The following GPHN variants were observed in gnomAD, a reference collection of about 807,000 sequenced individuals.
GPHN encodes the protein gephyrin.
In GPHN, 17 loss-of-function variants were observed where a neutral mutation model predicts 95.5. The ratio of observed to expected loss-of-function variants is 0.18; its 90% CI spans 0.12 to 0.27. The LOEUF is 0.27. Among genes scored for constraint, GPHN ranks in the 10% least tolerant of loss-of-function variants. The pLI, the probability that GPHN is intolerant of heterozygous loss-of-function variation, is 1.00. For synonymous variants in GPHN, 320 were observed against 322.5 expected (o/e 0.99, Z 0.08); for missense variants, 660 against 978.1 (o/e 0.67, Z 4.34).
the GPHN span, among the ~76,000 whole-genome samples, chr14:67,595,134 CTAAAAAAAATAAAAA>C: frequency 1.5e-5 from 1 of 66,512 alleles, no homozygotes; most frequent in African/African-American, 3.7e-5. Context: ...GAGACTCCGT[CTAAAAAAAATAAAAA>C]TAAAAAAAAT....
chr14:67,387,730 C>T, the GPHN span, among the ~76,000 whole-genome samples: 12 of 152,286 alleles, frequency 7.9e-5, no homozygotes, highest in East Asian at 2.1e-3. Context: ...GGTAGCATGC[C>T]ATAGATCTAC....
chr14:67,435,350 C>T, the GPHN span, among the ~76,000 whole-genome samples: 1 of 152,108 alleles, frequency 6.6e-6, no homozygotes, highest in Non-Finnish European at 1.5e-5. Flanking sequence ...AATGGATTAA[C>T]CCATTCATGA....
chr14:66,702,657 C>T (rs1347613442), intron 2 of GPHN, among the ~76,000 whole-genome samples: 2 of 152,170 alleles, frequency 1.3e-5, no homozygotes, highest in African/African-American at 4.8e-5. Context: ...CAAGGGTCAG[C>T]ATCCTCAAAG....
chr14:66,878,808 C>A (rs150728948), intron 4 of GPHN, among the ~76,000 whole-genome samples: 4 of 152,034 alleles, frequency 2.6e-5, no homozygotes, highest in Non-Finnish European at 5.9e-5. Flanking sequence ...GACAGTGTGG[C>A]GATTCCTCAA....
At chr14:67,636,852 G>T in the GPHN span, among the ~76,000 whole-genome samples, 1 of 152,128 alleles carries the variant, frequency 6.6e-6, no homozygotes, top group Non-Finnish European at 1.5e-5. Flanking sequence ...GAAATTTCAG[G>T]CTCCTCTTGT....
the GPHN span, chr14:67,692,977 A>G: frequency 1.9e-6 from 3 of 1,614,130 alleles, no homozygotes; most frequent in Non-Finnish European, 2.5e-6. Context: ...CGATACCTGT[A>G]TTAGCTCCTG....
the GPHN span, chr14:67,557,495 C>G: frequency 7.2e-7 from 1 of 1,391,164 alleles, no homozygotes; most frequent in Non-Finnish European, 9.9e-7. Flanking sequence ...CTGAGCTGTT[C>G]CGCTCAAGCC....
the GPHN span, chr14:67,589,354 T>C: frequency 1.0e-6 from 1 of 983,592 alleles, no homozygotes; most frequent in East Asian, 1.1e-4. Flanking sequence ...GAGAGTCCCA[T>C]GTCTGAAAAC....
chr14:67,401,747 C>T, the GPHN span, among the ~76,000 whole-genome samples: 2 of 152,128 alleles, frequency 1.3e-5, no homozygotes, highest in African/African-American at 4.8e-5. Flanking sequence ...GTTATAGCAG[C>T]CCTCATAAAC....
intron 9 of GPHN, among the ~76,000 whole-genome samples, chr14:66,991,646 A>G (rs2071427246): frequency 1.3e-5 from 2 of 151,858 alleles, no homozygotes; most frequent in South Asian, 4.2e-4. Flanking sequence ...TTTAAAGGCA[A>G]GTAGTATCCT....
intron 1 of GPHN, among the ~76,000 whole-genome samples, chr14:66,596,419 T>C (rs2061975371): frequency 1.3e-5 from 2 of 152,080 alleles, no homozygotes; most frequent in Non-Finnish European, 2.9e-5. Flanking sequence ...CCATCCACGG[T>C]GCCCATGGTG....
chr14:67,489,638 T>C, the GPHN span, among the ~76,000 whole-genome samples: 8 of 152,310 alleles, frequency 5.3e-5, no homozygotes, highest in South Asian at 1.7e-3. Context: ...ATTCCATCAC[T>C]GATGTTCCCA....
At chr14:66,945,855 A>G (rs940419430) in intron 8 of GPHN, among the ~76,000 whole-genome samples, 3 of 152,186 alleles carry the variant, frequency 2.0e-5, no homozygotes, top group Non-Finnish European at 4.4e-5. Flanking sequence ...TAACCTAGGG[A>G]AGACTGGGCT....
At chr14:67,620,255 A>C in the GPHN span, among the ~76,000 whole-genome samples, 2 of 146,664 alleles carry the variant, frequency 1.4e-5, no homozygotes, top group African/African-American at 5.0e-5. Context: ...AGCATGTGGG[A>C]TATCCTCCGA....
chr14:67,238,005 A>G, the GPHN span, among the ~76,000 whole-genome samples: 14 of 152,196 alleles, frequency 9.2e-5, no homozygotes, highest in African/African-American at 3.4e-4. Flanking sequence ...GGGGGAAAAA[A>G]GTAGTTAACC....
At chr14:67,564,202 C>T in the GPHN span, among the ~76,000 whole-genome samples, 1 of 152,064 alleles carries the variant, frequency 6.6e-6, no homozygotes, top group Admixed American at 6.6e-5. Flanking sequence ...GGGGTTTCAC[C>T]ATGTTGGCCA....
chr14:66,828,572 C>T (rs2061464618), intron 4 of GPHN, among the ~76,000 whole-genome samples: 1 of 151,738 alleles, frequency 6.6e-6, no homozygotes, highest in Non-Finnish European at 1.5e-5. Flanking sequence ...CCTTAAAATC[C>T]TAATAATGCT....
chr14:67,274,376 G>A, the GPHN span, among the ~76,000 whole-genome samples: 1 of 152,174 alleles, frequency 6.6e-6, no homozygotes, highest in Non-Finnish European at 1.5e-5. Flanking sequence ...TTATTAAATA[G>A]GGCATCCTTT....
At chr14:66,537,771 C>G (rs554889965) in intron 1 of GPHN, among the ~76,000 whole-genome samples, 1 of 152,228 alleles carries the variant, frequency 6.6e-6, no homozygotes, top group African/African-American at 2.4e-5. Flanking sequence ...TGTCTGAAAT[C>G]CCTTTATTTT....
Sources: gnomAD v4.1 joint callset for allele counts (sites outside exome capture counted in the v4.1 genomes callset) on GRCh38, gnomAD v4.1.1 for gene constraint, MANE v1.5 for transcripts, NCBI Gene and HGNC (gene_info 2026-07-23, HGNC 2026-07-21) for gene names.